The following FBXO36 variants were observed in gnomAD, a reference collection of about 807,000 sequenced individuals.
FBXO36 encodes the protein F-box only protein 36.
Under a neutral mutation model 17.0 loss-of-function variants are expected in FBXO36, and 18 were observed. The ratio of observed to expected loss-of-function variants is 1.06; its 90% CI spans 0.73 to 1.57. The LOEUF (loss-of-function observed/expected upper bound fraction) is 1.57. FBXO36 is among the 40% of genes most tolerant of loss of function. FBXO36 has a pLI of 0.00. For synonymous variants in FBXO36, 83 were observed against 85.3 expected (o/e 0.97, Z 0.15); for missense variants, 229 against 221.9 (o/e 1.03, Z -0.20).
chr2:229,993,387 T>C (rs1577359331), intron 2 of FBXO36, among the ~76,000 whole-genome samples: 1 of 152,144 alleles, frequency 6.6e-6, no homozygotes, highest in Non-Finnish European at 1.5e-5. Context: ...GCAGAGTGAG[T>C]GATCGAAGAG....
At position 229,979,198 on chromosome 2, in the gene FBXO36, C is replaced by T. The variant is rs79519493; in HGVS notation, c.205+2849C>T. ...AAAAAAAAAAAAATCCATTATTTAA[C>T]AATAATAGTATGCAATAGGCCAGGT... On this transcript the variant is annotated intron_variant, in intron 2 of 3. Transcript: ENST00000283946. Among the ~76,000 whole-genome samples the T allele has an allele frequency of 4.5e-4, 67 of 149,636 alleles. 1 individual carries two copies. In the East Asian group the frequency reaches 0.013, roughly 28 times the overall value.
intron 1 of FBXO36, among the ~76,000 whole-genome samples, chr2:229,959,224 G>T (rs1324312416): frequency 1.3e-5 from 2 of 151,534 alleles, no homozygotes; most frequent in African/African-American, 4.8e-5. Context: ...TTGCTATTTT[G>T]CCCAGGCTGG....
chr2:229,957,814 C>T (rs541356016), intron 1 of FBXO36, among the ~76,000 whole-genome samples: 4 of 152,178 alleles, frequency 2.6e-5, no homozygotes, highest in Non-Finnish European at 4.4e-5. Context: ...CCTCATTCCC[C>T]GCCAGGAGAT....
intron 1 of FBXO36, among the ~76,000 whole-genome samples, chr2:229,931,721 C>T (rs1378894024): frequency 6.6e-6 from 1 of 151,958 alleles, no homozygotes; most frequent in Non-Finnish European, 1.5e-5. Flanking sequence ...TGCCTGTAAT[C>T]CCAGCTACTC....
chr2:230,000,100 G>A (rs2106213039), intron 3 of FBXO36, among the ~76,000 whole-genome samples: 1 of 152,226 alleles, frequency 6.6e-6, no homozygotes, highest in African/African-American at 2.4e-5. Context: ...GCTCACACCT[G>A]TAATCCCAGC....
intron 1 of FBXO36, chr2:229,932,711 G>A (rs867078944): frequency 2.6e-5 from 4 of 156,282 alleles, no homozygotes; most frequent in South Asian, 3.4e-4. Flanking sequence ...AGAAAGTGGT[G>A]TTTTATACTG....
chr2:229,976,509 T>C, intron 2 of FBXO36, 160 bp downstream of exon 2: 1 of 590,834 alleles, frequency 1.7e-6, no homozygotes, highest in South Asian at 2.5e-5. Flanking sequence ...AAACTGTTGT[T>C]TTTTTCTCTT....
intron 2 of FBXO36, among the ~76,000 whole-genome samples, chr2:229,978,604 A>T (rs910641199): frequency 6.6e-6 from 1 of 151,990 alleles, no homozygotes; most frequent in Admixed American, 6.6e-5. Flanking sequence ...TAATAATAAT[A>T]ATAATAGTAA....
chr2:230,006,087 C>G (rs1312522136), intron 3 of FBXO36, among the ~76,000 whole-genome samples: 2 of 148,426 alleles, frequency 1.3e-5, no homozygotes, highest in African/African-American at 5.0e-5. Flanking sequence ...TATCCTCATT[C>G]TATTTTATTT....
At chr2:230,005,241 A>G (rs1373570609) in intron 3 of FBXO36, among the ~76,000 whole-genome samples, 1 of 152,068 alleles carries the variant, frequency 6.6e-6, no homozygotes, top group Admixed American at 6.6e-5. Context: ...GTCTGGGACT[A>G]CAGGTGCACA....
intron 2 of FBXO36, among the ~76,000 whole-genome samples, chr2:229,982,778 CAAAAAAAAAAAA>C (rs58999886): frequency 1.3e-5 from 1 of 78,758 alleles, no homozygotes; most frequent in African/African-American, 4.8e-5. Context: ...GAGCTTGTCT[CAAAAAAAAAAAA>C]AAAAAAAAAG....
chr2:229,949,596 G>GT (rs2077046170), intron 1 of FBXO36, among the ~76,000 whole-genome samples: 1 of 151,724 alleles, frequency 6.6e-6, no homozygotes, highest in Admixed American at 6.6e-5. Flanking sequence ...TAGATGCTGA[G>GT]AAATACTTGG....
chr2:229,999,870 C>T (rs1560455980), intron 3 of FBXO36, among the ~76,000 whole-genome samples: 1 of 152,032 alleles, frequency 6.6e-6, no homozygotes, highest in Admixed American at 6.6e-5. Flanking sequence ...CACCCTCCAC[C>T]CTCAAGTAGA....
chr2:229,996,753 C>T lies in FBXO36; in HGVS notation c.208C>T (p.Gln70Ter). ...ATGTTGGCTTCTTTGAATTACAGGT[C>T]AAACTGCCTTAATATTTGGTGCAAG... ...DFLENSHLQGQTALIFGARIL... is the reference protein window; with the variant it reads ...DFLENSHLQG Residue 70 changes from glutamine (Q) to a stop codon, truncating the protein, a stop_gained and splice_region_variant, in exon 3 of 4, where the codon CAA becomes TAA. Coordinates refer to ENST00000283946, the MANE Select transcript of FBXO36 (RefSeq NM_174899.5). LOFTEE classifies it high-confidence loss of function. 6.2e-7 allele frequency: 1 copy of T among 1,605,566 alleles called. No homozygotes were observed. The highest frequency in any genetic ancestry group is 1.7e-5 in the Admixed American group (1 of 59,012).
At chr2:229,933,964 G>A (rs1272844807) in intron 1 of FBXO36, among the ~76,000 whole-genome samples, 6 of 151,950 alleles carry the variant, frequency 3.9e-5, no homozygotes, top group African/African-American at 1.4e-4. Context: ...GGGATTACAG[G>A]CGTGAGTCAC....
chr2:229,984,692 CTTTAGGTT>C, intron 2 of FBXO36, among the ~76,000 whole-genome samples: 1 of 152,160 alleles, frequency 6.6e-6, no homozygotes, highest in African/African-American at 2.4e-5. Flanking sequence ...CCAGCCTAAT[CTTTAGGTT>C]TTTAACTTGT....
rs374511492 is a variant in FBXO36 at position 229,995,056 on chromosome 2, G to A, written c.206-1695G>A. Among the ~76,000 whole-genome samples the A allele has an allele frequency of 2.0e-5, 3 of 152,240 alleles. No homozygotes were observed. In the East Asian group the frequency reaches 5.8e-4, roughly 29 times the overall value. Reference sequence around the variant, plus strand: ...TTGAACCCAGGGGGCGGAGGTTGCAGTGAGCTGAGATCGTGCCACTGCACT... The same window carrying A: ...TTGAACCCAGGGGGCGGAGGTTGCAATGAGCTGAGATCGTGCCACTGCACT... On this transcript the variant is annotated intron_variant, in intron 2 of 3. Transcript: ENST00000283946.
At chr2:229,992,095 C>T (rs1471204774) in intron 2 of FBXO36, among the ~76,000 whole-genome samples, 1 of 151,988 alleles carries the variant, frequency 6.6e-6, no homozygotes, top group Non-Finnish European at 1.5e-5. Flanking sequence ...GCAGTATGTT[C>T]CTGCTCTGCT....
intron 1 of FBXO36, among the ~76,000 whole-genome samples, chr2:229,935,275 A>G (rs1378206685): frequency 2.4e-4 from 36 of 152,328 alleles, no homozygotes; most frequent in Non-Finnish European, 1.5e-5. Flanking sequence ...TGAAAATCAT[A>G]AGAGTCTCAG....
Sources: gnomAD v4.1 joint callset for allele counts (sites outside exome capture counted in the v4.1 genomes callset) on GRCh38, gnomAD v4.1.1 for gene constraint, MANE v1.5 for transcripts, NCBI Gene and HGNC (gene_info 2026-07-23, HGNC 2026-07-21) for gene names.